PTPRT: variants seen among roughly 807,000 people sequenced by gnomAD.
PTPRT encodes the protein protein tyrosine phosphatase receptor type T.
A neutral mutation model predicts 176.8 loss-of-function variants in PTPRT; 56 were observed. The observed-to-expected ratio is 0.32, with a 90% confidence interval of 0.26 to 0.40. The LOEUF (loss-of-function observed/expected upper bound fraction) is 0.40. PTPRT is among the 10% of genes least tolerant of loss of function. The pLI, the probability that PTPRT is intolerant of heterozygous loss-of-function variation, is 1.00. For missense variants in PTPRT, 1,540 were observed against 1,908.2 expected, an observed-to-expected ratio of 0.81 and a Z score of 3.60; for synonymous variants, 783 against 739.0, an observed-to-expected ratio of 1.06 and a Z score of -0.96.
At chr20:42,492,924 T>A (rs1255790973) in intron 7 of PTPRT, among the ~76,000 whole-genome samples, 1 of 152,208 alleles carries the variant, frequency 6.6e-6, no homozygotes, top group African/African-American at 2.4e-5. Context: ...TTAATAAGCT[T>A]GAGTTTATTC....
At chr20:42,441,271 G>A (rs1483363965) in intron 9 of PTPRT, among the ~76,000 whole-genome samples, 2 of 152,220 alleles carry the variant, frequency 1.3e-5, no homozygotes, top group African/African-American at 4.8e-5. Context: ...AGTGGACAGT[G>A]GAGGGAAAAA....
chr20:42,303,383 G>A (rs964822726), intron 12 of PTPRT, among the ~76,000 whole-genome samples: 9 of 152,170 alleles, frequency 5.9e-5, no homozygotes, highest in African/African-American at 1.7e-4. Flanking sequence ...CATGTTTGGC[G>A]GGAGGAAAAG....
At chr20:42,474,761 T>C (rs1177463387) in intron 7 of PTPRT, among the ~76,000 whole-genome samples, 1 of 152,222 alleles carries the variant, frequency 6.6e-6, no homozygotes, top group East Asian at 1.9e-4. Context: ...ATAAATGGCT[T>C]GCCTGGGAAG....
intron 1 of PTPRT, among the ~76,000 whole-genome samples, chr20:43,013,433 TA>T (rs1985226070): frequency 6.6e-6 from 1 of 152,170 alleles, no homozygotes; most frequent in Non-Finnish European, 1.5e-5. Flanking sequence ...GAGGGTGTGC[TA>T]AACCCTGAAG....
At chr20:42,432,322 G>T (rs1384501946) in intron 9 of PTPRT, among the ~76,000 whole-genome samples, 2 of 152,172 alleles carry the variant, frequency 1.3e-5, no homozygotes, top group Non-Finnish European at 2.9e-5. Flanking sequence ...ACAGGCTAGG[G>T]TCTTGCTGTC....
At chr20:42,178,171 T>C (rs1990372043) in intron 16 of PTPRT, among the ~76,000 whole-genome samples, 2 of 152,032 alleles carry the variant, frequency 1.3e-5, no homozygotes, top group African/African-American at 4.8e-5. Flanking sequence ...CTCCTGACCT[T>C]GTGATCCACC....
chr20:42,363,281 TATATATATATATATA>T (rs2058458591), intron 9 of PTPRT, among the ~76,000 whole-genome samples: 1 of 16,078 alleles, frequency 6.2e-5, no homozygotes, highest in African/African-American at 2.7e-4. Context: ...TATATATATA[TATATATATATATATA>T]TATATTTTTT....
intron 7 of PTPRT, among the ~76,000 whole-genome samples, chr20:42,580,863 G>C (rs2073358361): frequency 6.6e-6 from 1 of 152,158 alleles, no homozygotes; most frequent in South Asian, 2.1e-4. Flanking sequence ...GGGACAATTT[G>C]ACTTCCTCTT....
intron 2 of PTPRT, among the ~76,000 whole-genome samples, chr20:42,820,729 G>A (rs2077877963): frequency 6.6e-6 from 1 of 152,026 alleles, no homozygotes; most frequent in Non-Finnish European, 1.5e-5. Flanking sequence ...TGATAAAGGG[G>A]ATATTACCAC....
intron 1 of PTPRT, among the ~76,000 whole-genome samples, chr20:43,103,425 A>G (rs2012471937): frequency 6.6e-6 from 1 of 152,202 alleles, no homozygotes; most frequent in South Asian, 2.1e-4. Flanking sequence ...GTGGTGTTAC[A>G]AGAGATGCAA....
At chr20:42,181,495 G>A (rs186983837) in intron 16 of PTPRT, among the ~76,000 whole-genome samples, 1 of 152,270 alleles carries the variant, frequency 6.6e-6, no homozygotes, top group Admixed American at 6.5e-5. Context: ...CCAGACTAGT[G>A]CAATGGTCCC....
intron 1 of PTPRT, among the ~76,000 whole-genome samples, chr20:43,139,842 G>C (rs572297802): frequency 6.6e-6 from 1 of 152,304 alleles, no homozygotes; most frequent in South Asian, 2.1e-4. Context: ...ATCGGCATCT[G>C]GGCCTCATTG....
chr20:42,554,253 T>C (rs1420954008), intron 7 of PTPRT, among the ~76,000 whole-genome samples: 1 of 152,134 alleles, frequency 6.6e-6, no homozygotes, highest in Admixed American at 6.5e-5. Flanking sequence ...TATGTCTTTG[T>C]GTATCCAAAA....
intron 6 of PTPRT, among the ~76,000 whole-genome samples, chr20:42,717,315 A>AG (rs2076240610): frequency 6.6e-6 from 1 of 152,072 alleles, no homozygotes; most frequent in Non-Finnish European, 1.5e-5. Flanking sequence ...ATAGATCTAC[A>AG]GAAAAAAAAG....
intron 1 of PTPRT, among the ~76,000 whole-genome samples, chr20:42,916,138 CGGTGTGTGATGTT>C (rs1978737247): frequency 7.3e-6 from 1 of 137,568 alleles, no homozygotes; most frequent in Non-Finnish European, 1.5e-5. Flanking sequence ...CAACAGTCCC[CGGTGTGTGATGTT>C]CCCCTTCCTG....
chr20:42,714,722 T>C (rs980687916), intron 6 of PTPRT, among the ~76,000 whole-genome samples: 6 of 152,212 alleles, frequency 3.9e-5, no homozygotes, highest in Non-Finnish European at 2.9e-5. Flanking sequence ...TGGTGGTTAT[T>C]TTCTAGACCC....
At chr20:42,927,144 C>T (rs752998591) in intron 1 of PTPRT, among the ~76,000 whole-genome samples, 17 of 152,230 alleles carry the variant, frequency 1.1e-4, no homozygotes, top group Non-Finnish European at 2.4e-4. Flanking sequence ...TCATCCAGGA[C>T]TTCCCATTTG....
intron 1 of PTPRT, among the ~76,000 whole-genome samples, chr20:42,937,443 C>A (rs150008901): frequency 1.2e-3 from 181 of 152,362 alleles, no homozygotes; most frequent in African/African-American, 4.2e-3. Context: ...GCCAGACAGT[C>A]TCTCCCTGTA....
chr20:42,766,386 CT>C (rs1485564764), intron 5 of PTPRT, among the ~76,000 whole-genome samples: 3 of 152,206 alleles, frequency 2.0e-5, no homozygotes, highest in Non-Finnish European at 4.4e-5. Flanking sequence ...TACTAGCCTT[CT>C]ATCATCCTTT....
Sources: gnomAD v4.1 joint callset for allele counts (sites outside exome capture counted in the v4.1 genomes callset) on GRCh38, gnomAD v4.1.1 for gene constraint, MANE v1.5 for transcripts, NCBI Gene and HGNC (gene_info 2026-07-23, HGNC 2026-07-21) for gene names.